RANBP2: variants seen among roughly 807,000 people sequenced by gnomAD.
The protein encoded by RANBP2 is RAN binding protein 2.
RANBP2 carries 57 observed loss-of-function variants against 303.6 expected under a neutral mutation model. The ratio of observed to expected loss-of-function variants is 0.19; its 90% CI spans 0.15 to 0.23. RANBP2 has a LOEUF of 0.23. RANBP2 is among the 10% of genes least tolerant of loss of function. RANBP2 has a pLI of 1.00. For synonymous variants in RANBP2, 1,167 were observed against 1,301.5 expected, an observed-to-expected ratio of 0.90 and a Z score of 2.23; for missense variants, 3,138 against 3,780.8, an observed-to-expected ratio of 0.83 and a Z score of 4.46.
At chr2:109,530,764 C>T in the RANBP2 span, among the ~76,000 whole-genome samples, 1 of 152,154 alleles carries the variant, frequency 6.6e-6, no homozygotes, top group South Asian at 2.1e-4. Context: ...TGCTCTTTCT[C>T]TCTCTCTCCC....
chr2:108,799,993 CTT>C, the RANBP2 span, among the ~76,000 whole-genome samples: 3 of 152,006 alleles, frequency 2.0e-5, no homozygotes, highest in African/African-American at 7.2e-5. Flanking sequence ...GCATTTCTGT[CTT>C]TATATTTACA....
At chr2:109,170,585 CG>C in the RANBP2 span, among the ~76,000 whole-genome samples, 1 of 152,174 alleles carries the variant, frequency 6.6e-6, no homozygotes, top group African/African-American at 2.4e-5. Flanking sequence ...ACCTCAACCT[CG>C]TGATCCACCC....
the RANBP2 span, among the ~76,000 whole-genome samples, chr2:109,107,008 G>C: frequency 6.7e-6 from 1 of 149,138 alleles, no homozygotes; most frequent in Non-Finnish European, 1.5e-5. Flanking sequence ...TGCAATCTCG[G>C]CTCACTGCAA....
the RANBP2 span, among the ~76,000 whole-genome samples, chr2:108,966,969 C>T: frequency 2.6e-5 from 4 of 152,250 alleles, no homozygotes; most frequent in Non-Finnish European, 5.9e-5. Context: ...GAGTCTCACT[C>T]TGTTGCCCAG....
At chr2:109,040,810 C>T in the RANBP2 span, among the ~76,000 whole-genome samples, 12,259 of 152,202 alleles carry the variant, frequency 0.081, 1,714 homozygotes, top group East Asian at 0.65. Context: ...AATCCCAGCA[C>T]TTTGGGAGGC....
chr2:109,378,674 A>C, the RANBP2 span, among the ~76,000 whole-genome samples: 2 of 152,164 alleles, frequency 1.3e-5, no homozygotes, highest in African/African-American at 4.8e-5. Context: ...AGGCTTTGTT[A>C]GGCAGGGCCA....
the RANBP2 span, among the ~76,000 whole-genome samples, chr2:109,085,815 G>C: frequency 6.6e-6 from 1 of 151,382 alleles, no homozygotes; most frequent in Non-Finnish European, 1.5e-5. Flanking sequence ...ATGTTGACCA[G>C]GCTGGTTCTG....
the RANBP2 span, chr2:109,553,167 T>C: frequency 1.2e-6 from 2 of 1,614,206 alleles, no homozygotes; most frequent in Admixed American, 3.3e-5. Context: ...TCTTCCTTCC[T>C]CTGACGTTCA....
the RANBP2 span, among the ~76,000 whole-genome samples, chr2:109,295,885 C>A: frequency 3.9e-5 from 6 of 152,190 alleles, no homozygotes; most frequent in Non-Finnish European, 7.3e-5. Context: ...TAAGTGGGAG[C>A]TCCTTAGAGG....
intron 9 of RANBP2, among the ~76,000 whole-genome samples, chr2:108,750,637 G>C (rs1453281939): frequency 6.7e-6 from 1 of 148,868 alleles, no homozygotes; most frequent in Non-Finnish European, 1.5e-5. Flanking sequence ...ACCCAGGCTG[G>C]AGTGCAGTGG....
the RANBP2 span, among the ~76,000 whole-genome samples, chr2:108,943,042 C>T: frequency 1.3e-5 from 2 of 152,200 alleles, no homozygotes; most frequent in Admixed American, 6.5e-5. Flanking sequence ...TATAAATAAC[C>T]ATTACATGTC....
At chr2:109,411,169 C>A in the RANBP2 span, among the ~76,000 whole-genome samples, 1 of 152,208 alleles carries the variant, frequency 6.6e-6, no homozygotes, top group Non-Finnish European at 1.5e-5. Flanking sequence ...CAACTCTCAA[C>A]CTCGTTATGA....
At chr2:109,030,004 T>C in the RANBP2 span, among the ~76,000 whole-genome samples, 2 of 152,252 alleles carry the variant, frequency 1.3e-5, no homozygotes, top group East Asian at 3.8e-4. Context: ...TCAGTAAGCA[T>C]TTACTGAGTG....
At chr2:109,554,657 G>T in the RANBP2 span, among the ~76,000 whole-genome samples, 1 of 152,106 alleles carries the variant, frequency 6.6e-6, no homozygotes, top group East Asian at 1.9e-4. Context: ...CCATCGCCGG[G>T]AATCAATTTT....
the RANBP2 span, among the ~76,000 whole-genome samples, chr2:109,156,274 C>G: frequency 1.3e-5 from 2 of 152,196 alleles, no homozygotes; most frequent in Non-Finnish European, 2.9e-5. Flanking sequence ...CACCAGAGAT[C>G]GAGTTGCTAT....
the RANBP2 span, among the ~76,000 whole-genome samples, chr2:108,834,033 A>C: frequency 2.7e-5 from 4 of 149,964 alleles, no homozygotes; most frequent in Non-Finnish European, 5.9e-5. Context: ...GGCGTGAGCC[A>C]CCGTGCCCAG....
At chr2:109,608,018 A>G in the RANBP2 span, among the ~76,000 whole-genome samples, 1 of 152,238 alleles carries the variant, frequency 6.6e-6, no homozygotes, top group South Asian at 2.1e-4. Flanking sequence ...ATTCAGATTG[A>G]GCAGAACTAG....
the RANBP2 span, among the ~76,000 whole-genome samples, chr2:109,236,672 G>A: frequency 6.6e-6 from 1 of 152,296 alleles, no homozygotes; most frequent in South Asian, 2.1e-4. Context: ...ACGCCTAAAG[G>A]TCAAGGTCGA....
the RANBP2 span, among the ~76,000 whole-genome samples, chr2:109,327,289 T>G: frequency 5.9e-5 from 9 of 152,348 alleles, no homozygotes; most frequent in South Asian, 2.1e-4. Context: ...CACCATTGAT[T>G]AAACAGCCCA....
Sources: allele counts gnomAD v4.1 joint callset (sites outside exome capture counted in the v4.1 genomes callset), GRCh38; gene constraint gnomAD v4.1.1; transcripts MANE v1.5; gene names NCBI Gene and HGNC (gene_info 2026-07-23, HGNC 2026-07-21).